Variants in PCDH15 observed in about 807,000 individuals in gnomAD.
PCDH15 encodes the protein protocadherin-15.
Under a neutral mutation model 178.5 loss-of-function variants are expected in PCDH15, and 129 were observed. The ratio of observed to expected loss-of-function variants is 0.72; its 90% CI spans 0.63 to 0.84. The LOEUF is 0.84. Ranked by LOEUF, PCDH15 falls within the 40% of genes least tolerant of loss-of-function variation. The probability of loss-of-function intolerance (pLI) is 0.00; values close to 1 mark genes in which losing one functional copy is unlikely to be tolerated. For synonymous variants in PCDH15, 800 were observed against 732.0 expected (o/e 1.09, Z -1.50); for missense variants, 2,230 against 2,099.9 (o/e 1.06, Z -1.21).
chr10:55,511,499 T>C (rs73269374), intron 2 of PCDH15, among the ~76,000 whole-genome samples: 2,330 of 152,198 alleles, frequency 0.015, 53 homozygotes, highest in African/African-American at 0.054. Flanking sequence ...CATTTTCTTC[T>C]GACATTAAAA....
intron 3 of PCDH15, among the ~76,000 whole-genome samples, chr10:54,435,831 G>A (rs12262333): frequency 3.3e-5 from 5 of 151,958 alleles, no homozygotes; most frequent in South Asian, 2.1e-4. Flanking sequence ...TTAGCCGGTC[G>A]TGGTGGCGGG....
At chr10:54,421,803 A>C (rs1209249607) in intron 3 of PCDH15, among the ~76,000 whole-genome samples, 3 of 122,220 alleles carry the variant, frequency 2.5e-5, no homozygotes, top group African/African-American at 1.0e-4. Context: ...ATATAGGTAC[A>C]TGTGTAGTGT....
At chr10:54,650,483 A>G (rs917446747) in intron 2 of PCDH15, among the ~76,000 whole-genome samples, 2 of 152,158 alleles carry the variant, frequency 1.3e-5, no homozygotes, top group Non-Finnish European at 2.9e-5. Flanking sequence ...AATTCTAAAT[A>G]AATGTTGGTG....
intron 28 of PCDH15, among the ~76,000 whole-genome samples, chr10:53,845,631 A>G (rs1306221627): frequency 1.3e-5 from 2 of 152,016 alleles, no homozygotes; most frequent in East Asian, 3.9e-4. Context: ...GGCAAAGAAG[A>G]AATATCACAT....
chr10:54,579,169 T>C (rs932538328), intron 2 of PCDH15, among the ~76,000 whole-genome samples: 1 of 152,000 alleles, frequency 6.6e-6, no homozygotes, highest in Non-Finnish European at 1.5e-5. Flanking sequence ...ATTTACATGG[T>C]CCAAACACCC....
intron 3 of PCDH15, among the ~76,000 whole-genome samples, chr10:54,396,638 A>G: frequency 6.6e-6 from 1 of 152,196 alleles, no homozygotes; most frequent in East Asian, 1.9e-4. Context: ...TCTCTGTGTT[A>G]GAAGTTGACA....
intron 2 of PCDH15, among the ~76,000 whole-genome samples, chr10:54,557,598 C>G (rs910945910): frequency 6.6e-6 from 1 of 152,038 alleles, no homozygotes; most frequent in Non-Finnish European, 1.5e-5. Flanking sequence ...TTCAGTGAGG[C>G]CATAGAAATC....
chr10:54,505,741 C>T (rs2081113776), intron 3 of PCDH15, among the ~76,000 whole-genome samples: 1 of 151,946 alleles, frequency 6.6e-6, no homozygotes, highest in African/African-American at 2.4e-5. Flanking sequence ...CACGTGTATA[C>T]CTGTGCAACA....
chr10:55,012,473 A>C (rs541590623), intron 2 of PCDH15, among the ~76,000 whole-genome samples: 1 of 152,210 alleles, frequency 6.6e-6, no homozygotes, highest in African/African-American at 2.4e-5. Flanking sequence ...CAATGTTTCA[A>C]AATTTGTTTT....
chr10:54,118,654 T>G (rs188806399), intron 15 of PCDH15, among the ~76,000 whole-genome samples: 1 of 152,040 alleles, frequency 6.6e-6, no homozygotes, highest in East Asian at 1.9e-4. Flanking sequence ...AGTGAGACTC[T>G]GTGTCAAAAA....
At chr10:54,883,717 A>G (rs2131808579) in intron 3 of PCDH15, among the ~76,000 whole-genome samples, 1 of 152,102 alleles carries the variant, frequency 6.6e-6, no homozygotes, top group Middle Eastern at 3.5e-3. Flanking sequence ...TGGAAAGGAA[A>G]TGATTTTAAA....
In PCDH15 at chr10:54,127,619, T is replaced by G. The variant is rs180855441; in HGVS notation, c.1917+5256A>C. Among the ~76,000 whole-genome samples the G allele has an allele frequency of 1.4e-4, 22 of 152,338 alleles. No homozygotes were observed. The East Asian group carries it at 4.2e-3, about 29-fold the overall frequency. On this transcript the variant is annotated intron_variant, in intron 15 of 37. Coordinates refer to ENST00000644397, the MANE Select transcript of PCDH15 (RefSeq NM_001384140.1). ...GCCAGCTGAGTATTTTGTTTAATTT[T>G]TAATTGTTAACTCTTATAGTACCTT...
rs1416995106 is a variant in PCDH15 at position 55,539,729 on chromosome 10, TGA to T, written c.-156+87894_-156+87895del. On this transcript the variant is annotated intron_variant, in intron 2 of 5. Transcript: ENST00000613346. ...TTTAGAGTTTTCACACTATATATCG[TGA>T]GTTTTTATTATTGTATTAAAAATGT... Among the ~76,000 whole-genome samples the T allele has an allele frequency of 2.5e-4, 38 of 152,270 alleles. No individual in the cohort carries two copies. In the East Asian group the frequency reaches 6.6e-3, roughly 26 times the overall value.
At chr10:54,329,171 GTAC>G (rs200919364) in intron 7 of PCDH15, among the ~76,000 whole-genome samples, 10,729 of 151,858 alleles carry the variant, frequency 0.071, 491 homozygotes, top group African/African-American at 0.12. Context: ...TGCCTTTAGT[GTAC>G]CTTAGAATTC....
intron 1 of PCDH15, among the ~76,000 whole-genome samples, chr10:55,290,927 G>A (rs930489147): frequency 2.0e-5 from 3 of 152,044 alleles, no homozygotes; most frequent in Non-Finnish European, 2.9e-5. Context: ...GTTATGAAAC[G>A]TCCAGAACTG....
At chr10:55,185,213 T>C (rs1019410932) in intron 1 of PCDH15, among the ~76,000 whole-genome samples, 1 of 151,796 alleles carries the variant, frequency 6.6e-6, no homozygotes, top group African/African-American at 2.4e-5. Context: ...TACCCAGAGA[T>C]ATAGGACACC....
chr10:54,317,521 T>A, intron 7 of PCDH15, 80 bp from the exon 8 acceptor site: 1 of 1,543,222 alleles, frequency 6.5e-7, no homozygotes, highest in East Asian at 2.2e-5. Context: ...ATACCTGTAA[T>A]CCCAGAACTT....
chr10:55,398,007 T>C (rs1837970771), intron 2 of PCDH15, among the ~76,000 whole-genome samples: 1 of 152,176 alleles, frequency 6.6e-6, no homozygotes, highest in Non-Finnish European at 1.5e-5. Context: ...CACTTTCTAA[T>C]GCTCCCATTT....
chr10:54,095,320 TTCATG>T (rs1355347541), intron 15 of PCDH15, among the ~76,000 whole-genome samples: 2 of 152,036 alleles, frequency 1.3e-5, no homozygotes, highest in South Asian at 4.1e-4. Flanking sequence ...ATATATTTTA[TTCATG>T]TCAAGTACTG....
Sources: allele counts gnomAD v4.1 joint callset (sites outside exome capture counted in the v4.1 genomes callset), GRCh38; gene constraint gnomAD v4.1.1; transcripts MANE v1.5; gene names NCBI Gene and HGNC (gene_info 2026-07-23, HGNC 2026-07-21).